The following CTNNAL1 variants were observed in gnomAD, a reference collection of about 807,000 sequenced individuals.
The protein encoded by CTNNAL1 is catenin alpha like 1.
In CTNNAL1, 69 loss-of-function variants were observed where a neutral mutation model predicts 93.6. The observed-to-expected ratio is 0.74, with a 90% confidence interval of 0.61 to 0.90. The LOEUF (loss-of-function observed/expected upper bound fraction) is 0.90, where lower values mean the gene tolerates loss of function less well. Among genes scored for constraint, CTNNAL1 ranks in the 40% least tolerant of loss-of-function variants. CTNNAL1 has a pLI of 0.00. For synonymous variants in CTNNAL1, 286 were observed against 305.4 expected (o/e 0.94, Z 0.66); for missense variants, 836 against 862.0 (o/e 0.97, Z 0.38).
chr9:108,995,023 T>A (rs1831963435), intron 2 of CTNNAL1, among the ~76,000 whole-genome samples: 1 of 152,214 alleles, frequency 6.6e-6, no homozygotes, highest in Admixed American at 6.5e-5. Context: ...CACTGACCGC[T>A]ACCTCATGAG....
At chr9:108,972,865 A>ACCAG in intron 8 of CTNNAL1, 32 bp from the exon 9 acceptor site, 5 of 219,268 alleles carry the variant, frequency 2.3e-5, no homozygotes, top group Non-Finnish European at 3.1e-5. Flanking sequence ...GGGGGGTGGG[A>ACCAG]GGGTGGAGAA....
chr9:108,997,775 T>C (rs1832078163), intron 2 of CTNNAL1, among the ~76,000 whole-genome samples: 1 of 152,194 alleles, frequency 6.6e-6, no homozygotes, highest in Non-Finnish European at 1.5e-5. Flanking sequence ...AGCTCCACCC[T>C]GGCAATATAT....
intron 15 of CTNNAL1, among the ~76,000 whole-genome samples, chr9:108,945,118 T>C (rs370965461): frequency 2.0e-5 from 3 of 152,326 alleles, no homozygotes; most frequent in Admixed American, 6.5e-5. Context: ...ACCTGAAAGC[T>C]GGTAACTCCC....
chr9:109,011,892 G>A (rs926792012), intron 1 of CTNNAL1, among the ~76,000 whole-genome samples: 2 of 152,188 alleles, frequency 1.3e-5, no homozygotes, highest in African/African-American at 4.8e-5. Flanking sequence ...TTTAAAAAAT[G>A]GATAAAATAC....
At chr9:108,951,884 A>G (rs534262177) in intron 14 of CTNNAL1, among the ~76,000 whole-genome samples, 2 of 152,318 alleles carry the variant, frequency 1.3e-5, no homozygotes, top group South Asian at 4.1e-4. Flanking sequence ...AAGGCATAAA[A>G]GACATGTTTT....
At chr9:108,972,864 G>GGGAA in intron 8 of CTNNAL1, 31 bp from the exon 9 acceptor site, 6 of 142,590 alleles carry the variant, frequency 4.2e-5, no homozygotes, top group South Asian at 1.2e-4. Context: ...GGGGGGGTGG[G>GGGAA]AGGGTGGAGA....
At chr9:108,947,504 C>T (rs573317205) in intron 15 of CTNNAL1, among the ~76,000 whole-genome samples, 2 of 152,304 alleles carry the variant, frequency 1.3e-5, no homozygotes, top group South Asian at 2.1e-4. Flanking sequence ...CAAATTTACA[C>T]ACAAGAATGC....
Position 108,965,404 on chromosome 9 carries a change from A to G in CTNNAL1, c.1565T>C (p.Ile522Thr). The G allele has an allele frequency of 6.5e-7, 1 of 1,541,678 alleles. No homozygotes were observed. The highest frequency in any genetic ancestry group is 8.7e-7 in the Non-Finnish European group (1 of 1,143,056). Residue 522 changes from isoleucine (I) to threonine (T), a missense_variant, in exon 11 of 19, where the codon ATC becomes ACC. Transcript: ENST00000325551. Reference sequence around the variant, plus strand: ...TCGTCTTCCTTCAAACACGTCATTGATTTCTCTCAGCAGTGTTGACATGTC... The same window carrying G: ...TCGTCTTCCTTCAAACACGTCATTGGTTTCTCTCAGCAGTGTTGACATGTC... ...ISDMSTLLRE[I>T]NDVFEGRRGE...
chr9:108,961,673 G>C (rs1019989343), intron 11 of CTNNAL1, among the ~76,000 whole-genome samples: 1 of 152,138 alleles, frequency 6.6e-6, no homozygotes, highest in African/African-American at 2.4e-5. Context: ...TGCTCACATA[G>C]TCTGAAAACA....
intron 14 of CTNNAL1, among the ~76,000 whole-genome samples, chr9:108,949,240 C>G (rs539947746): frequency 6.6e-6 from 1 of 152,258 alleles, no homozygotes; most frequent in Admixed American, 6.5e-5. Context: ...TATCCAATAA[C>G]TATATTCTAG....
chr9:109,003,208 C>T (rs2132209830), intron 1 of CTNNAL1, among the ~76,000 whole-genome samples: 1 of 152,252 alleles, frequency 6.6e-6, no homozygotes, highest in East Asian at 1.9e-4. Context: ...GATATTATTC[C>T]TCAGCAGTCC....
intron 2 of CTNNAL1, among the ~76,000 whole-genome samples, chr9:108,997,869 C>A (rs1486963117): frequency 6.6e-6 from 1 of 152,190 alleles, no homozygotes; most frequent in Non-Finnish European, 1.5e-5. Context: ...ACTGTGACAA[C>A]CTCCTAACTG....
chr9:108,967,384 T>TCACA (rs74384717), intron 10 of CTNNAL1, among the ~76,000 whole-genome samples: 1 of 151,880 alleles, frequency 6.6e-6, no homozygotes, highest in Non-Finnish European at 1.5e-5. Context: ...ATGGGATTAT[T>TCACA]CACACACACA....
intron 15 of CTNNAL1, among the ~76,000 whole-genome samples, chr9:108,947,307 G>A (rs368433400): frequency 6.6e-6 from 1 of 152,052 alleles, no homozygotes; most frequent in Non-Finnish European, 1.5e-5. Context: ...TGGAGACAGG[G>A]TTCCACCGTG....
chr9:109,011,698 C>T (rs1827207203), intron 1 of CTNNAL1, among the ~76,000 whole-genome samples: 1 of 152,218 alleles, frequency 6.6e-6, no homozygotes, highest in African/African-American at 2.4e-5. Flanking sequence ...GGATTCAAAT[C>T]CCAGTTTGGC....
chr9:109,005,461 G>T (rs1826993913), intron 1 of CTNNAL1, among the ~76,000 whole-genome samples: 1 of 152,132 alleles, frequency 6.6e-6, no homozygotes, highest in African/African-American at 2.4e-5. Flanking sequence ...GCCTTTGGGA[G>T]ACGATTAGTT....
chr9:108,978,522 C>T (rs1449756456), intron 7 of CTNNAL1, among the ~76,000 whole-genome samples: 1 of 152,202 alleles, frequency 6.6e-6, no homozygotes, highest in Non-Finnish European at 1.5e-5. Context: ...ACTTTTCTGA[C>T]AGAGCCTGGG....
chr9:108,964,743 A>T (rs989481410), intron 11 of CTNNAL1, among the ~76,000 whole-genome samples: 2 of 152,224 alleles, frequency 1.3e-5, no homozygotes, highest in African/African-American at 4.8e-5. Flanking sequence ...GAGCTGTTGT[A>T]TTATAATTAA....
intron 9 of CTNNAL1, among the ~76,000 whole-genome samples, chr9:108,971,240 G>A (rs757288047): frequency 6.6e-6 from 1 of 152,038 alleles, no homozygotes; most frequent in Non-Finnish European, 1.5e-5. Flanking sequence ...TAGTCTAAAG[G>A]TTCCTTCTAA....
Sources: allele counts gnomAD v4.1 joint callset (sites outside exome capture counted in the v4.1 genomes callset), GRCh38; gene constraint gnomAD v4.1.1; transcripts MANE v1.5; gene names NCBI Gene and HGNC (gene_info 2026-07-23, HGNC 2026-07-21).